The following GPC4 variants were observed in gnomAD, a reference collection of about 807,000 sequenced individuals.
The protein encoded by GPC4 is glypican 4.
In GPC4, 10 loss-of-function variants were observed where a neutral mutation model predicts 35.0. The ratio of observed to expected loss-of-function variants is 0.29; its 90% CI spans 0.18 to 0.48. The LOEUF (loss-of-function observed/expected upper bound fraction) is 0.48. Among genes scored for constraint, GPC4 ranks in the 20% least tolerant of loss-of-function variants. The pLI, the probability that GPC4 is intolerant of heterozygous loss-of-function variation, is 0.99. For missense variants in GPC4, 322 were observed against 451.3 expected, an observed-to-expected ratio of 0.71 and a Z score of 2.60; for synonymous variants, 167 against 170.2, an observed-to-expected ratio of 0.98 and a Z score of 0.15.
At chrX:133,308,491 G>T (rs1222938342) in intron 4 of GPC4, among the ~76,000 whole-genome samples, 1 of 111,932 alleles carries the variant, frequency 8.9e-6, no homozygotes, top group Non-Finnish European at 1.9e-5. Context: ...ATTTCCAAGT[G>T]AAGGTTTCAT....
At chrX:133,333,033 G>A (rs745510543) in intron 2 of GPC4, among the ~76,000 whole-genome samples, 10 of 112,140 alleles carry the variant, frequency 8.9e-5, no homozygotes, top group Non-Finnish European at 1.3e-4. Flanking sequence ...TAATTCTTTC[G>A]AGAGAGGGTG....
chrX:133,397,625 TA>T (rs2068749598), intron 1 of GPC4, among the ~76,000 whole-genome samples: 1 of 111,509 alleles, frequency 9.0e-6, no homozygotes, highest in South Asian at 3.7e-4. Context: ...AAGCTAAGTT[TA>T]GATAAAGATT....
chrX:133,414,254 G>A (rs1420969797), intron 1 of GPC4, among the ~76,000 whole-genome samples: 3 of 109,392 alleles, frequency 2.7e-5, no homozygotes, highest in African/African-American at 1.0e-4. Context: ...GAGAGGCGGG[G>A]AGAGAGTTTT....
In GPC4 at chrX:133,334,900, T is replaced by A. The variant is rs144362041; in HGVS notation, c.319+4283A>T. On this transcript the variant is annotated intron_variant, in intron 2 of 8. Coordinates refer to ENST00000370828, the MANE Select transcript of GPC4 (RefSeq NM_001448.3). Reference sequence around the variant, plus strand: ...TGTAGCAATGACATTACTTCATAGCTGTAACATCATTTTTACTATGTAATT... The same window carrying A: ...TGTAGCAATGACATTACTTCATAGCAGTAACATCATTTTTACTATGTAATT... Among the ~76,000 whole-genome samples, 85 of 112,593 alleles carry A rather than the reference T, an allele frequency of 7.5e-4. 2 individuals are homozygous for A. In the East Asian group the frequency reaches 0.015, roughly 20 times the overall value.
chrX:133,403,702 CT>C lies in GPC4; in HGVS notation c.160+11103del, dbSNP rs1226269446. On this transcript the variant is annotated intron_variant, in intron 1 of 8. Transcript: ENST00000370828. ...GGCATGATAGGGCACATAGAGCTGCCTTTTTTTTTTTTTGACAGAGTCTCAC... is the reference window on the plus strand; with the variant it reads ...GGCATGATAGGGCACATAGAGCTGCCTTTTTTTTTTTTGACAGAGTCTCAC... Among the ~76,000 whole-genome samples the C allele has an allele frequency of 6.3e-3, 628 of 99,386 alleles. 6 individuals are homozygous for C. Among genetic ancestry groups the C allele is most frequent in the East Asian group, 0.056 (178 of 3,200 alleles). 86.3% of individuals were successfully genotyped at this position (99,386 alleles called of 115,157 possible).
Position 133,304,721 on chromosome X carries a change from T to A in GPC4, c.1292+4A>T. ...AACTTCAAATTCATTCAACAGACAC[T>A]AACCTGCTTTTGCCTTTCCCATTCC... is the stretch of plus-strand genomic sequence containing the variant. On this transcript the variant is annotated splice_donor_region_variant and intron_variant, in intron 7 of 8. Coordinates refer to ENST00000370828, the MANE Select transcript of GPC4 (RefSeq NM_001448.3). 8.3e-7 allele frequency: 1 copy of A among 1,211,421 alleles called. No individual in the cohort carries two copies. Among genetic ancestry groups the A allele is most frequent in the Non-Finnish European group, 1.1e-6 (1 of 895,258 alleles).
chrX:133,388,885 A>G (rs2068705788), intron 1 of GPC4, among the ~76,000 whole-genome samples: 1 of 109,163 alleles, frequency 9.2e-6, no homozygotes, highest in Non-Finnish European at 1.9e-5. Context: ...ATACTAGCAC[A>G]CTATAACCCC....
intron 2 of GPC4, among the ~76,000 whole-genome samples, chrX:133,334,965 C>T (rs1379616726): frequency 1.8e-5 from 2 of 111,789 alleles, no homozygotes; most frequent in Non-Finnish European, 3.8e-5. Context: ...TCACCTTAAC[C>T]TATTTGGGAT....
rs200592105 is a variant in GPC4 at position 133,306,230 on chromosome X, A to AT, written c.878-77dup. 2,229 of 1,077,458 alleles carry AT rather than the reference A, an allele frequency of 2.1e-3. 10 individuals carry two copies. Among genetic ancestry groups the AT allele is most frequent in the African/African-American group, 0.018 (944 of 53,875 alleles). The allele number at this position is 1,077,458 out of a possible 1,213,427, so 88.8% of individuals were successfully genotyped here. On this transcript the variant is annotated intron_variant, in intron 4 of 8. Coordinates refer to ENST00000370828, the MANE Select transcript of GPC4 (RefSeq NM_001448.3). ...GTTTGGCCTTGGGTAAATCAATCTGATTTTTTTTTCTGTCTGTTTCCTGCA... is the reference window on the plus strand; with the variant it reads ...GTTTGGCCTTGGGTAAATCAATCTGATTTTTTTTTTCTGTCTGTTTCCTGCA...
At chrX:133,404,490 T>C (rs1323437618) in intron 1 of GPC4, among the ~76,000 whole-genome samples, 2 of 93,537 alleles carry the variant, frequency 2.1e-5, no homozygotes, top group Non-Finnish European at 4.1e-5. Flanking sequence ...GAGGTTGCAG[T>C]GAGTGGAGAA....
Position 133,304,059 on chromosome X carries a change from T to TGA in GPC4, c.1292+664_1292+665dup, listed in dbSNP as rs1345290931. Among the ~76,000 whole-genome samples the TGA allele has an allele frequency of 3.7e-5, 4 of 107,636 alleles. No individual in the cohort carries two copies. The East Asian group carries it at 1.2e-3, about 32-fold the overall frequency. The allele number at this position is 107,636 out of a possible 115,157, so 93.5% of individuals were successfully genotyped here. A position where few individuals can be genotyped will look rare whatever the true frequency, so the allele number is the denominator to read the frequency against. ...CTGTAATCCCAGCACTTTGGGAGGC[T>TGA]GAGGCAGGCGGATCACAAGGTCAGG... On this transcript the variant is annotated intron_variant, in intron 7 of 8. Transcript: ENST00000370828.
At chrX:133,306,701 T>C (rs747740292) in intron 4 of GPC4, among the ~76,000 whole-genome samples, 1 of 112,651 alleles carries the variant, frequency 8.9e-6, no homozygotes, top group South Asian at 3.7e-4. Context: ...GGAATTCTAA[T>C]GACTTTTCAA....
intron 1 of GPC4, among the ~76,000 whole-genome samples, chrX:133,383,972 G>A (rs2068676047): frequency 8.9e-6 from 1 of 111,894 alleles, no homozygotes; most frequent in South Asian, 3.8e-4. Context: ...GGGAGGCTAT[G>A]CATGTGTTGG....
At chrX:133,312,325 T>A (rs1470951668) in intron 3 of GPC4, among the ~76,000 whole-genome samples, 1 of 110,763 alleles carries the variant, frequency 9.0e-6, no homozygotes, top group Non-Finnish European at 1.9e-5. Context: ...GGCTTAAACA[T>A]CAGGCAGAAA....
intron 1 of GPC4, among the ~76,000 whole-genome samples, chrX:133,394,401 T>C (rs1477386272): frequency 1.8e-5 from 2 of 111,259 alleles, no homozygotes; most frequent in African/African-American, 6.5e-5. Context: ...ATTTATCCTA[T>C]GATAAACCAT....
intron 3 of GPC4, among the ~76,000 whole-genome samples, chrX:133,323,035 T>C (rs1461513597): frequency 9.0e-6 from 1 of 111,619 alleles, no homozygotes; most frequent in Non-Finnish European, 1.9e-5. Context: ...GAAATCTTGC[T>C]CAGATCCCTG....
chrX:133,304,640 G>A (rs1010934608), intron 7 of GPC4, 85 bp downstream of exon 7: 12 of 1,090,734 alleles, frequency 1.1e-5, no homozygotes, highest in East Asian at 3.0e-5. Flanking sequence ...CTGATGCCTC[G>A]GTTGACAATT....
chrX:133,306,291 A>G, intron 4 of GPC4, 137 bp from the exon 5 acceptor site: 1 of 668,425 alleles, frequency 1.5e-6, no homozygotes, highest in Non-Finnish European at 2.3e-6. Context: ...ATCATAATGA[A>G]TTCTTGTTTT....
intron 1 of GPC4, among the ~76,000 whole-genome samples, chrX:133,358,884 G>A (rs1334563654): frequency 9.0e-6 from 1 of 110,858 alleles, no homozygotes; most frequent in Non-Finnish European, 1.9e-5. Context: ...ACATTTGTGT[G>A]TGAAGATTCA....
Sources: allele counts gnomAD v4.1 joint callset (sites outside exome capture counted in the v4.1 genomes callset), GRCh38; gene constraint gnomAD v4.1.1; transcripts MANE v1.5; gene names NCBI Gene and HGNC (gene_info 2026-07-23, HGNC 2026-07-21).